Variants in RPS6KC1 observed in about 807,000 individuals in gnomAD.
RPS6KC1 encodes ribosomal protein S6 kinase C1.
Under a neutral mutation model 103.8 loss-of-function variants are expected in RPS6KC1, and 54 were observed. The ratio of observed to expected loss-of-function variants is 0.52; its 90% CI spans 0.42 to 0.65. RPS6KC1 has a LOEUF of 0.65. Ranked by LOEUF, RPS6KC1 falls within the 30% of genes least tolerant of loss-of-function variation. The pLI is 0.00. For missense variants in RPS6KC1, 1,151 were observed against 1,253.8 expected (o/e 0.92, Z 1.24); for synonymous variants, 439 against 438.7 (o/e 1.00, Z -0.01).
At chr1:213,614,961 C>T in the RPS6KC1 span, among the ~76,000 whole-genome samples, 13 of 152,184 alleles carry the variant, frequency 8.5e-5, no homozygotes, top group East Asian at 1.9e-4. Flanking sequence ...TCTCCTGCTT[C>T]GACCTCCCAA....
the RPS6KC1 span, among the ~76,000 whole-genome samples, chr1:213,339,954 G>A: frequency 2.0e-5 from 3 of 151,954 alleles, no homozygotes; most frequent in South Asian, 2.1e-4. Flanking sequence ...GTGCAATGGC[G>A]CGATCTTGGC....
chr1:213,512,956 G>A, the RPS6KC1 span, among the ~76,000 whole-genome samples: 63 of 152,310 alleles, frequency 4.1e-4, no homozygotes, highest in South Asian at 6.2e-4. Flanking sequence ...TTTACCTATG[G>A]TAGGAAGAAT....
chr1:213,493,666 TCTC>T, the RPS6KC1 span, among the ~76,000 whole-genome samples: 3 of 152,194 alleles, frequency 2.0e-5, no homozygotes, highest in Non-Finnish European at 2.9e-5. Flanking sequence ...TATCTTCTCT[TCTC>T]CTACTGCTCC....
the RPS6KC1 span, among the ~76,000 whole-genome samples, chr1:213,489,643 G>A: frequency 6.6e-6 from 1 of 152,138 alleles, no homozygotes; most frequent in Non-Finnish European, 1.5e-5. Flanking sequence ...CTGCAGCCTA[G>A]GATATAGGAT....
At chr1:213,209,755 G>A (rs1385295029) in intron 8 of RPS6KC1, among the ~76,000 whole-genome samples, 1 of 149,844 alleles carries the variant, frequency 6.7e-6, no homozygotes, top group African/African-American at 2.4e-5. Flanking sequence ...AGGCAGAGTA[G>A]GAGCATGGGC....
the RPS6KC1 span, among the ~76,000 whole-genome samples, chr1:213,483,437 A>G: frequency 2.0e-5 from 3 of 152,206 alleles, no homozygotes; most frequent in Non-Finnish European, 4.4e-5. Flanking sequence ...CATCCCCCCC[A>G]AAGTTTTGGA....
the RPS6KC1 span, among the ~76,000 whole-genome samples, chr1:213,388,595 G>C: frequency 2.6e-5 from 4 of 152,372 alleles, no homozygotes; most frequent in African/African-American, 9.6e-5. Flanking sequence ...CCAGGAACAA[G>C]AGTCTCTTTT....
At chr1:213,382,218 T>TAC in the RPS6KC1 span, among the ~76,000 whole-genome samples, 1 of 152,180 alleles carries the variant, frequency 6.6e-6, no homozygotes, top group Non-Finnish European at 1.5e-5. Flanking sequence ...ATACACACTT[T>TAC]TCAGCTTTTC....
At chr1:213,712,107 C>A in the RPS6KC1 span, among the ~76,000 whole-genome samples, 1 of 152,224 alleles carries the variant, frequency 6.6e-6, no homozygotes, top group Non-Finnish European at 1.5e-5. Context: ...ACTGAAACTG[C>A]GCCCACAGCC....
chr1:213,766,605 G>A, the RPS6KC1 span, among the ~76,000 whole-genome samples: 2 of 152,160 alleles, frequency 1.3e-5, no homozygotes, highest in East Asian at 1.9e-4. Context: ...GCAGATGTAC[G>A]TTTTCTAATT....
the RPS6KC1 span, among the ~76,000 whole-genome samples, chr1:213,853,641 A>C: frequency 1.3e-5 from 2 of 152,178 alleles, no homozygotes; most frequent in South Asian, 2.1e-4. Flanking sequence ...TTGGCTTAAC[A>C]CTTGTTTTCT....
the RPS6KC1 span, among the ~76,000 whole-genome samples, chr1:213,621,888 C>T: frequency 6.6e-6 from 1 of 152,052 alleles, no homozygotes; most frequent in African/African-American, 2.4e-5. Flanking sequence ...GGTGCAGCAA[C>T]GAATGAATCT....
chr1:213,800,004 A>T, the RPS6KC1 span, among the ~76,000 whole-genome samples: 2 of 152,168 alleles, frequency 1.3e-5, no homozygotes, highest in Non-Finnish European at 2.9e-5. Context: ...CAGAAAAAGG[A>T]AGCTCTGCTG....
chr1:213,112,954 G>C (rs1187892125), intron 4 of RPS6KC1, among the ~76,000 whole-genome samples: 1 of 152,098 alleles, frequency 6.6e-6, no homozygotes, highest in East Asian at 1.9e-4. Flanking sequence ...TTTCTTAACA[G>C]TCTATCATTG....
At chr1:213,167,439 AACACACACAC>A (rs199762137) in intron 6 of RPS6KC1, among the ~76,000 whole-genome samples, 958 of 75,986 alleles carry the variant, frequency 0.013, 3 homozygotes, top group African/African-American at 0.024. Context: ...CAAGGTTGAA[AACACACACAC>A]ACACACACAC....
chr1:213,088,010 A>G (rs780261030), intron 3 of RPS6KC1, among the ~76,000 whole-genome samples: 6 of 152,134 alleles, frequency 3.9e-5, no homozygotes, highest in South Asian at 2.1e-4. Context: ...GTTGTTTCCT[A>G]TGGTCTTCCC....
intron 1 of RPS6KC1, among the ~76,000 whole-genome samples, chr1:213,059,528 A>C (rs886546689): frequency 6.6e-6 from 1 of 151,958 alleles, no homozygotes. Context: ...ATATATATAT[A>C]TTTTGAGACA....
chr1:213,813,787 G>C, the RPS6KC1 span, among the ~76,000 whole-genome samples: 3 of 152,258 alleles, frequency 2.0e-5, no homozygotes, highest in East Asian at 3.9e-4. Flanking sequence ...AGGAGCAGAG[G>C]GGGGCTGCCA....
At chr1:213,479,720 C>T in the RPS6KC1 span, among the ~76,000 whole-genome samples, 1 of 151,918 alleles carries the variant, frequency 6.6e-6, no homozygotes, top group Non-Finnish European at 1.5e-5. Context: ...ACTGAATTCA[C>T]AAAGATGTTC....
Sources: allele counts gnomAD v4.1 joint callset (sites outside exome capture counted in the v4.1 genomes callset), GRCh38; gene constraint gnomAD v4.1.1; transcripts MANE v1.5; gene names NCBI Gene and HGNC (gene_info 2026-07-23, HGNC 2026-07-21).